ANKRD61: variants seen among roughly 807,000 people sequenced by gnomAD.
The protein encoded by ANKRD61 is ankyrin repeat domain-containing protein 61.
ANKRD61 carries 7 observed loss-of-function variants against 8.4 expected under a neutral mutation model. The ratio of observed to expected loss-of-function variants is 0.84; its 90% confidence interval spans 0.48 to 1.57. The LOEUF (loss-of-function observed/expected upper bound fraction) is 1.57. ANKRD61 is among the 40% of genes most tolerant of loss of function. The pLI is 0.00. For missense variants in ANKRD61, 516 were observed against 523.4 expected, an observed-to-expected ratio of 0.99 and a Z score of 0.14; for synonymous variants, 198 against 208.0, an observed-to-expected ratio of 0.95 and a Z score of 0.41.
Position 6,035,180 on chromosome 7 carries a change from G to C in ANKRD61, c.315-264G>C, listed in dbSNP as rs1483765247. Among the ~76,000 whole-genome samples the C allele has an allele frequency of 2.0e-5, 3 of 151,072 alleles. No individual in the cohort carries two copies. The highest frequency in any genetic ancestry group is 7.4e-5 in the African/African-American group (3 of 40,660). On this transcript the variant is annotated intron_variant, in intron 2 of 2. Coordinates refer to ENST00000409061, the MANE Select transcript of ANKRD61 (RefSeq NM_001271700.2). The surrounding 1 kb of genome is among the most constrained non-coding windows in gnomAD (Gnocchi z 5.5). ...GCCTTCTTCACAACATTGTATAAAA[G>C]TGAAAATAATTTTTCAAAAAAAAAA...
chr7:6,031,626 AAGTC>A (rs1787915790), intron 1 of ANKRD61, 35 bp downstream of exon 1: 2 of 1,544,558 alleles, frequency 1.3e-6, no homozygotes, highest in Non-Finnish European at 1.8e-6. Context: ...TTCTGGAAAA[AAGTC>A]AGGCTGCTTA....
In ANKRD61 at chr7:6,035,676, G is replaced by A. The variant is rs990700529; in HGVS notation, c.547G>A (p.Val183Ile). Reference sequence around the variant, plus strand: ...GGCCATAGCATATGGTTGCTATCCAGTTCTCTCCATTTTGACCCAAAATGG... The same window carrying A: ...GGCCATAGCATATGGTTGCTATCCAATTCTCTCCATTTTGACCCAAAATGG... ...HLAIAYGCYPVLSILTQNGAD... is the reference protein window; with the variant it reads ...HLAIAYGCYPILSILTQNGAD... The change falls in exon 3 of 3, where the codon GTT (valine) becomes ATT (isoleucine). Residue 183 changes from valine (V) to isoleucine (I), a missense_variant. Transcript: ENST00000409061. The surrounding 1 kb of genome is among the most constrained non-coding windows in gnomAD (Gnocchi z 5.5). 1.3e-6 allele frequency: 2 copies of A among 1,550,466 alleles called. No individual in the cohort carries two copies. The highest frequency in any genetic ancestry group is 1.4e-5 in the African/African-American group (1 of 73,010).
intron 1 of ANKRD61, 124 bp downstream of exon 1, chr7:6,031,715 C>T (rs1787918723): frequency 1.1e-6 from 1 of 900,628 alleles, no homozygotes; most frequent in Admixed American, 2.2e-5. Context: ...GACTCCAGCT[C>T]ACTCCACACA....
rs1787976561 is a variant in ANKRD61 at position 6,033,536 on chromosome 7, C to A, written c.314+600C>A. ...TTGCCATGGCCTTCAATAAGTTTAA[C>A]CACCAAAGTTAGGTGTGAAAAATAA... On this transcript the variant is annotated intron_variant, in intron 2 of 2. Coordinates refer to ENST00000409061, the MANE Select transcript of ANKRD61 (RefSeq NM_001271700.2). This position sits in a 1 kb window ranked among gnomAD's most constrained non-coding sequence, Gnocchi z 4.4. Among the ~76,000 whole-genome samples the A allele has an allele frequency of 2.0e-5, 3 of 152,160 alleles. No homozygotes were observed.
chr7:6,031,567 C>T lies in ANKRD61; in HGVS notation c.192C>T (p.Ala64=). Residue 64 remains alanine, a synonymous_variant, in exon 1 of 3, where the codon GCC becomes GCT. Coordinates refer to ENST00000409061, the MANE Select transcript of ANKRD61 (RefSeq NM_001271700.2). ...NQPITILPNS[A]SNRLLLTQPT... ...CCATCACCATTCTGCCCAACTCCGC[C>T]AGCAACAGATTACTTCTGACCCAGG... 6.4e-7 allele frequency: 1 copy of T among 1,550,788 alleles called. No homozygotes were observed. The highest frequency in any genetic ancestry group is 1.7e-4 in the Middle Eastern group (1 of 5,992).
intron 2 of ANKRD61, among the ~76,000 whole-genome samples, chr7:6,034,168 G>C (rs929683154): frequency 6.6e-6 from 1 of 151,824 alleles, no homozygotes; most frequent in Non-Finnish European, 1.5e-5. Context: ...CTAGCCAGGC[G>C]TGGTGGCGGG....
In ANKRD61 at chr7:6,033,359, C is replaced by T. The variant is rs538783003; in HGVS notation, c.314+423C>T. On this transcript the variant is annotated intron_variant, in intron 2 of 2. Transcript: ENST00000409061. This position sits in a 1 kb window ranked among gnomAD's most constrained non-coding sequence, Gnocchi z 4.4. ...TTTTCCACTTATGTTTGGACTTGTT[C>T]GTTCTTATGAATGAACCAATGTCTT... Among the ~76,000 whole-genome samples the T allele has an allele frequency of 2.6e-5, 4 of 151,996 alleles. No individual in the cohort carries two copies. The East Asian group carries it at 5.8e-4, about 22-fold the overall frequency.
rs542127109 is a variant in ANKRD61, at chr7:6,035,830, C to T, written c.701C>T (p.Thr234Met). ...GANVNCAVSS[T>M]GNTPLKLAVC... ...AACGTCAACTGTGCTGTCTCTTCCA[C>T]GGGGAACACGCCCCTGAAGCTTGCA... The change falls in exon 3 of 3, where the codon ACG becomes ATG. Residue 234 changes from threonine to methionine, a missense_variant. Transcript: ENST00000409061. The surrounding 1 kb of genome is among the most constrained non-coding windows in gnomAD (Gnocchi z 5.5). The T allele has an allele frequency of 1.5e-4, 233 of 1,548,850 alleles. No individual in the cohort carries two copies. Among genetic ancestry groups the T allele is most frequent in the Non-Finnish European group, 9.1e-5 (104 of 1,145,652 alleles).
In ANKRD61 at chr7:6,032,596, G is replaced by A. The variant is rs1018162268; in HGVS notation, c.217-243G>A. Among the ~76,000 whole-genome samples, 2 of 152,166 alleles carry A rather than the reference G, an allele frequency of 1.3e-5. No homozygotes were observed. Among genetic ancestry groups the A allele is most frequent in the African/African-American group, 4.8e-5 (2 of 41,438 alleles). ...TCAAAAATTTCCAAAGCTTTTGAGT[G>A]TTATTTCTGTTGCCTCAGTAAATGT... On this transcript the variant is annotated intron_variant, in intron 1 of 2. Transcript: ENST00000409061. This position sits in a 1 kb window ranked among gnomAD's most constrained non-coding sequence, Gnocchi z 4.3.
chr7:6,031,713 C>G, intron 1 of ANKRD61, 122 bp downstream of exon 1: 2 of 933,026 alleles, frequency 2.1e-6, no homozygotes, highest in East Asian at 2.6e-5. Context: ...ACGACTCCAG[C>G]TCACTCCACA....
rs1787963924 is a variant in ANKRD61, at chr7:6,033,072, G to A, written c.314+136G>A. ...CAACCTCTACTTCCTGGGTTCAAGAGCTTCTCCCACCTCAGCCTCCCGAGT... is the reference window on the plus strand; with the variant it reads ...CAACCTCTACTTCCTGGGTTCAAGAACTTCTCCCACCTCAGCCTCCCGAGT... On this transcript the variant is annotated intron_variant, in intron 2 of 2. Coordinates refer to ENST00000409061, the MANE Select transcript of ANKRD61 (RefSeq NM_001271700.2). The surrounding 1 kb of genome is among the most constrained non-coding windows in gnomAD (Gnocchi z 4.4). The A allele has an allele frequency of 1.5e-6, 1 of 662,320 alleles. No individual in the cohort carries two copies. The highest frequency in any genetic ancestry group is 2.5e-6 in the Non-Finnish European group (1 of 406,794). The allele number at this position is 662,320 out of a possible 1,614,324, so 41.0% of individuals were successfully genotyped here.
In ANKRD61 at chr7:6,033,654, C is replaced by G. The variant is rs1787980069; in HGVS notation, c.314+718C>G. 4.6e-5 allele frequency among the ~76,000 whole-genome samples: 7 copies of G among 152,126 alleles called. No individual in the cohort carries two copies. The South Asian group carries it at 1.5e-3, about 32-fold the overall frequency. ...CGCCCAGGCTGGAGTGCAGTGGCAC[C>G]ATTCTCCTGGGTTCACGCCATTCTC... On this transcript the variant is annotated intron_variant, in intron 2 of 2. Coordinates refer to ENST00000409061, the MANE Select transcript of ANKRD61 (RefSeq NM_001271700.2). The surrounding 1 kb of genome is among the most constrained non-coding windows in gnomAD (Gnocchi z 4.4).
At chr7:6,034,650 C>T (rs897947605) in intron 2 of ANKRD61, among the ~76,000 whole-genome samples, 1 of 152,234 alleles carries the variant, frequency 6.6e-6, no homozygotes, top group African/African-American at 2.4e-5. Context: ...TCACCATATC[C>T]ATAGCCTAGG....
chr7:6,033,874 T>C lies in ANKRD61; in HGVS notation c.314+938T>C, dbSNP rs1787987177. Among the ~76,000 whole-genome samples, 1 of 151,380 alleles carries C rather than the reference T, an allele frequency of 6.6e-6. No individual in the cohort carries two copies. Among genetic ancestry groups the C allele is most frequent in the African/African-American group, 2.4e-5 (1 of 41,242 alleles). The stretch of plus-strand genomic sequence containing the variant: ...GTGAGCCGCCGTGCCTGGCCGACAA[T>C]GGATTTTCTTGTTTATTACTCTCCA... On this transcript the variant is annotated intron_variant, in intron 2 of 2. Transcript: ENST00000409061. The surrounding 1 kb of genome is among the most constrained non-coding windows in gnomAD (Gnocchi z 4.4).
At chr7:6,034,012 T>A (rs1324844982) in intron 2 of ANKRD61, among the ~76,000 whole-genome samples, 1 of 150,708 alleles carries the variant, frequency 6.6e-6, no homozygotes, top group Admixed American at 6.6e-5. Flanking sequence ...ACTATCCGAG[T>A]GAATGAAAGA....
chr7:6,033,895 C>A lies in ANKRD61; in HGVS notation c.314+959C>A, dbSNP rs546574266. On this transcript the variant is annotated intron_variant, in intron 2 of 2. Transcript: ENST00000409061. This position sits in a 1 kb window ranked among gnomAD's most constrained non-coding sequence, Gnocchi z 4.4. ...ACAATGGATTTTCTTGTTTATTACT[C>A]TCCACTAGAAGGTAAGCCGCATGAA... 2.0e-5 allele frequency among the ~76,000 whole-genome samples: 3 copies of A among 152,116 alleles called. No homozygotes were observed. In the East Asian group the frequency reaches 5.9e-4, roughly 30 times the overall value.
Position 6,032,976 on chromosome 7 carries a change from T to G in ANKRD61, c.314+40T>G. ...CCGAAAATCATTTCTTTTTTTTTCT[T>G]TTTTGTTTTGAGGCAGGGGTCTCGC... On this transcript the variant is annotated intron_variant, in intron 2 of 2. Coordinates refer to ENST00000409061, the MANE Select transcript of ANKRD61 (RefSeq NM_001271700.2). This position sits in a 1 kb window ranked among gnomAD's most constrained non-coding sequence, Gnocchi z 4.3. 4 of 1,519,328 alleles carry G rather than the reference T, an allele frequency of 2.6e-6. No individual in the cohort carries two copies. The highest frequency in any genetic ancestry group is 3.6e-6 in the Non-Finnish European group (4 of 1,122,136). The allele number at this position is 1,519,328 out of a possible 1,614,324, so 94.1% of individuals were successfully genotyped here.
At position 6,031,530 on chromosome 7, in the gene ANKRD61, C is replaced by G. The variant is rs576553747; in HGVS notation, c.155C>G (p.Pro52Arg). Reference sequence around the variant, plus strand: ...ATCGAGGTACTCCTGAGAAATCACCCTGTCAACCAGCCCATCACCATTCTG... The same window carrying G: ...ATCGAGGTACTCCTGAGAAATCACCGTGTCAACCAGCCCATCACCATTCTG... Reference protein sequence around the residue: ...TTIEVLLRNHPVNQPITILPN... With the variant: ...TTIEVLLRNHRVNQPITILPN... The change falls in exon 1 of 3, where the codon CCT becomes CGT. Residue 52 changes from proline (P) to arginine (R), a missense_variant. By Grantham distance (103) the Pro-to-Arg change is moderately radical. Coordinates refer to ENST00000409061, the MANE Select transcript of ANKRD61 (RefSeq NM_001271700.2). 1 of 1,550,636 alleles carries G rather than the reference C, an allele frequency of 6.4e-7. No individual in the cohort carries two copies. Among genetic ancestry groups the G allele is most frequent in the East Asian group, 2.4e-5 (1 of 40,932 alleles).
chr7:6,036,291 T>G lies in ANKRD61; in HGVS notation c.1162T>G (p.Tyr388Asp). ...CTGCAAAAGAAACATCAGGAATATT[T>G]ATGGTGAGAAATACAAACAGCACTT... ...GICKRNIRNI[Y>D]GEKYKQHLKQ... The change falls in exon 3 of 3, where the codon TAT (tyrosine) becomes GAT (aspartate). Residue 388 changes from tyrosine to aspartate, a missense_variant. Physicochemically the swap from Tyr to Asp is radical, Grantham distance 160 (BLOSUM62 -3). Coordinates refer to ENST00000409061, the MANE Select transcript of ANKRD61 (RefSeq NM_001271700.2). This position sits in a 1 kb window ranked among gnomAD's most constrained non-coding sequence, Gnocchi z 4.6. The G allele has an allele frequency of 6.5e-7, 1 of 1,548,768 alleles. No homozygotes were observed. Among genetic ancestry groups the G allele is most frequent in the Non-Finnish European group, 8.7e-7 (1 of 1,146,602 alleles).
Sources: allele counts gnomAD v4.1 joint callset (sites outside exome capture counted in the v4.1 genomes callset), GRCh38; gene constraint gnomAD v4.1.1; non-coding constraint Gnocchi (gnomAD v3.1); transcripts MANE v1.5; gene names NCBI Gene and HGNC (gene_info 2026-07-23, HGNC 2026-07-21).